MEF2B: variants seen among roughly 807,000 people sequenced by gnomAD.
The protein encoded by MEF2B is myocyte enhancer factor 2B, also known as myocyte-specific enhancer factor 2B.
In MEF2B, 15 loss-of-function variants were observed where a neutral mutation model predicts 32.2. That is an observed-to-expected ratio of 0.47 (90% CI 0.31 to 0.72). The LOEUF is 0.72. MEF2B is among the 30% of genes least tolerant of loss of function. The probability of loss-of-function intolerance (pLI) is 0.05; values close to 1 mark genes in which losing one functional copy is unlikely to be tolerated. For synonymous variants in MEF2B, 205 were observed against 225.6 expected, an observed-to-expected ratio of 0.91 and a Z score of 0.82; for missense variants, 441 against 511.5, an observed-to-expected ratio of 0.86 and a Z score of 1.33.
intron 1 of MEF2B, among the ~76,000 whole-genome samples, chr19:19,156,365 C>T (rs2060120355): frequency 6.6e-6 from 1 of 151,808 alleles, no homozygotes; most frequent in East Asian, 1.9e-4. Context: ...TCAAGACCAA[C>T]CTAGGCAACA....
intron 1 of MEF2B, among the ~76,000 whole-genome samples, chr19:19,159,241 TAAAAAAAA>T (rs35056015): frequency 1.1e-5 from 1 of 88,010 alleles, no homozygotes; most frequent in African/African-American, 4.6e-5. Flanking sequence ...GTGCGTGGCC[TAAAAAAAA>T]AAAAAAAAAA....
intron 3 of MEF2B, 53 bp from the exon 4 acceptor site, chr19:19,147,885 A>T: frequency 6.3e-7 from 1 of 1,576,208 alleles, no homozygotes; most frequent in Non-Finnish European, 8.6e-7. Flanking sequence ...CCACCCAGGG[A>T]ACCCAGTTCT....
At chr19:19,150,352 A>T (rs1411890137) in intron 2 of MEF2B, among the ~76,000 whole-genome samples, 2 of 151,754 alleles carry the variant, frequency 1.3e-5, no homozygotes, top group Non-Finnish European at 2.9e-5. Flanking sequence ...ACATGGTGAA[A>T]CCCCGTCTCT....
chr19:19,155,281 C>G (rs2146366468), intron 1 of MEF2B, among the ~76,000 whole-genome samples: 1 of 152,276 alleles, frequency 6.6e-6, no homozygotes, highest in Middle Eastern at 3.4e-3. Flanking sequence ...ACCCTTTCCC[C>G]TTTTTCACCA....
chr19:19,160,171 T>A (rs1023248125), intron 1 of MEF2B, among the ~76,000 whole-genome samples: 5 of 151,946 alleles, frequency 3.3e-5, no homozygotes, highest in African/African-American at 9.7e-5. Context: ...GGTTTCAGCA[T>A]GTTGGCCAGG....
Position 19,146,825 on chromosome 19 carries a change from G to C in MEF2B, c.592C>G (p.Pro198Ala). The change falls in exon 6 of 9, where the codon CCC becomes GCC. Residue 198 changes from proline (P) to alanine (A), a missense_variant. By Grantham distance (27) the Pro-to-Ala change is conservative. This residue lies in a region of MEF2B where 326 missense variants were observed against 328.4 expected (regional missense o/e 0.99). Transcript: ENST00000424583. ...CCTTCCGTCGGCAGGTACAGTGGGG[G>C]TGGTGTCTTGCTGGTGAGGTGGCTT... Reference protein sequence around the residue: ...SPSHLTSKTPPPLYLPTEGRR... With the variant: ...SPSHLTSKTPAPLYLPTEGRR... 2 of 1,613,898 alleles carry C rather than the reference G, an allele frequency of 1.2e-6. No homozygotes were observed. Among genetic ancestry groups the C allele is most frequent in the Non-Finnish European group, 1.7e-6 (2 of 1,179,926 alleles).
chr19:19,147,552 G>T lies in MEF2B; in HGVS notation c.393+146C>A, dbSNP rs3729769. ...CCAGCTACAGTGCCCACTTCTCAAA[G>T]AAGCCTTTCCTGACCAACCAGGTAG... On this transcript the variant is annotated intron_variant, in intron 4 of 8. Transcript: ENST00000424583. 6.4e-5 allele frequency: 97 copies of T among 1,513,796 alleles called. No homozygotes were observed. In the African/African-American group the frequency reaches 1.2e-3, roughly 19 times the overall value. 93.8% of individuals were successfully genotyped at this position (1,513,796 alleles called of 1,614,324 possible). A position where few individuals can be genotyped will look rare whatever the true frequency, so the allele number is the denominator to read the frequency against.
At chr19:19,164,827 G>A (rs141949292) in intron 1 of MEF2B, among the ~76,000 whole-genome samples, 311 of 152,286 alleles carry the variant, frequency 2.0e-3, no homozygotes, top group Non-Finnish European at 3.5e-3. Context: ...TAGAGTCTAA[G>A]GCCCTCTCAG....
At chr19:19,151,130 A>G (rs2060077035) in intron 1 of MEF2B, among the ~76,000 whole-genome samples, 1 of 152,138 alleles carries the variant, frequency 6.6e-6, no homozygotes, top group African/African-American at 2.4e-5. Context: ...GCACACGTCT[A>G]TAGTCCCAGG....
intron 1 of MEF2B, among the ~76,000 whole-genome samples, chr19:19,159,241 TAAAAAAAAAAA>T (rs35056015): frequency 3.4e-5 from 3 of 88,014 alleles, no homozygotes; most frequent in African/African-American, 9.1e-5. Context: ...GTGCGTGGCC[TAAAAAAAAAAA>T]AAAAAAAAAA....
intron 3 of MEF2B, among the ~76,000 whole-genome samples, chr19:19,148,503 T>A (rs968291094): frequency 3.3e-5 from 5 of 151,946 alleles, no homozygotes; most frequent in African/African-American, 1.2e-4. Flanking sequence ...GCCAGCAGAT[T>A]TCCTGAGCTG....
intron 4 of MEF2B, among the ~76,000 whole-genome samples, chr19:19,147,392 G>A (rs2146352671): frequency 7.3e-6 from 1 of 136,256 alleles, no homozygotes; most frequent in East Asian, 2.2e-4. Flanking sequence ...TCCTTGACAG[G>A]TAGGTCCAGA....
chr19:19,161,495 A>G (rs1476403554), intron 1 of MEF2B, among the ~76,000 whole-genome samples: 1 of 151,972 alleles, frequency 6.6e-6, no homozygotes, highest in Admixed American at 6.6e-5. Flanking sequence ...AGCTCTCCAA[A>G]CACACACATC....
At position 19,146,893 on chromosome 19, in the gene MEF2B, C is replaced by A; in HGVS notation, c.542-18G>T. On this transcript the variant is annotated intron_variant, in intron 5 of 8. Transcript: ENST00000424583. ...CACCAGGCCTGGGGAAGAGGAGACC[C>A]CAGAGAGAGAGGACAGGCAGGCCAT... 3 of 1,605,636 alleles carry A rather than the reference C, an allele frequency of 1.9e-6. No homozygotes were observed. Among genetic ancestry groups the A allele is most frequent in the Non-Finnish European group, 2.6e-6 (3 of 1,175,830 alleles).
chr19:19,161,272 G>C (rs982396299), intron 1 of MEF2B, among the ~76,000 whole-genome samples: 2 of 152,048 alleles, frequency 1.3e-5, no homozygotes, highest in Non-Finnish European at 2.9e-5. Context: ...GGAGTGCTGA[G>C]GGACAGGGGC....
rs747063462 is a variant in MEF2B, at chr19:19,145,946, A to G, written c.958T>C (p.Ser320Pro). The change falls in exon 9 of 9, where the codon TCT becomes CCT. Residue 320 changes from serine (S) to proline (P), a missense_variant. By Grantham distance (74) the Ser-to-Pro change is moderately conservative. This residue lies in a region of MEF2B where 326 missense variants were observed against 328.4 expected (regional missense o/e 0.99). Transcript: ENST00000424583. The surrounding 1 kb of genome is among the most constrained non-coding windows in gnomAD (Gnocchi z 4.6). ...CCGGGGGCCGGAGAGAGGCGCTCAG[A>G]CTTGATGCTGACTGGGGGGGTCGGC... is the stretch of plus-strand genomic sequence containing the variant. ...SPPTPPVSIK[S>P]ERLSPAPGGP... The G allele has an allele frequency of 1.4e-6, 2 of 1,443,996 alleles. No homozygotes were observed. Among genetic ancestry groups the G allele is most frequent in the Non-Finnish European group, 1.8e-6 (2 of 1,100,176 alleles). 89.4% of individuals were successfully genotyped at this position (1,443,996 alleles called of 1,614,324 possible).
chr19:19,162,268 A>T (rs554021791), intron 1 of MEF2B, among the ~76,000 whole-genome samples: 1 of 152,070 alleles, frequency 6.6e-6, no homozygotes, highest in South Asian at 2.1e-4. Context: ...ACAAGCGCAC[A>T]CCTAATTTTT....
At chr19:19,157,287 A>C (rs2060126821) in intron 1 of MEF2B, 1 of 154,014 alleles carries the variant, frequency 6.5e-6, no homozygotes, top group African/African-American at 2.4e-5. Flanking sequence ...GTTACACCTG[A>C]GGACACAGAC....
chr19:19,158,264 T>G (rs1346903031), intron 1 of MEF2B, among the ~76,000 whole-genome samples: 1 of 151,212 alleles, frequency 6.6e-6, no homozygotes, highest in African/African-American at 2.4e-5. Flanking sequence ...ATTTTTGCAT[T>G]TTTACTAGAG....
Sources: allele counts gnomAD v4.1 joint callset (sites outside exome capture counted in the v4.1 genomes callset), GRCh38; gene constraint gnomAD v4.1.1; regional missense constraint gnomAD v4.1.1; non-coding constraint Gnocchi (gnomAD v3.1); transcripts MANE v1.5; gene names NCBI Gene and HGNC (gene_info 2026-07-23, HGNC 2026-07-21).